TMEM106B: variants seen among roughly 807,000 people sequenced by gnomAD.
The protein encoded by TMEM106B is transmembrane protein 106B.
TMEM106B carries 15 observed loss-of-function variants against 31.1 expected under a neutral mutation model. The observed-to-expected ratio is 0.48, with a 90% CI of 0.32 to 0.74. The LOEUF (loss-of-function observed/expected upper bound fraction) is 0.74, where lower values mean the gene tolerates loss of function less well. Among genes scored for constraint, TMEM106B ranks in the 30% least tolerant of loss-of-function variants. The pLI, the probability that TMEM106B is intolerant of heterozygous loss-of-function variation, is 0.03. For synonymous variants in TMEM106B, 126 were observed against 112.5 expected (o/e 1.12, Z -0.76); for missense variants, 283 against 327.3 (o/e 0.86, Z 1.04).
intron 1 of TMEM106B, 118 bp from the exon 2 acceptor site, chr7:12,214,691 T>C: frequency 1.1e-6 from 1 of 917,142 alleles, no homozygotes; most frequent in Non-Finnish European, 1.6e-6. Context: ...CCTTCAAATA[T>C]TTTACAGAGT....
Position 12,232,079 on chromosome 7 carries a change from A to C in TMEM106B, c.*104A>C. On this transcript the variant is annotated 3_prime_UTR_variant, in exon 8 of 8. Transcript: ENST00000396668. ...GGAGACCTTAAATTGAACAAACCTAAAGTTTACACTTCTAAGAGTACAGTT... is the reference window on the plus strand; with the variant it reads ...GGAGACCTTAAATTGAACAAACCTACAGTTTACACTTCTAAGAGTACAGTT... 1 of 1,083,680 alleles carries C rather than the reference A, an allele frequency of 9.2e-7. No homozygotes were observed. The highest frequency in any genetic ancestry group is 1.3e-6 in the Non-Finnish European group (1 of 773,086). 67.1% of individuals were successfully genotyped at this position (1,083,680 alleles called of 1,614,324 possible).
At position 12,231,819 on chromosome 7, in the gene TMEM106B, C is replaced by T. The variant is rs199499310; in HGVS notation, c.687-18C>T. The T allele has an allele frequency of 6.6e-5, 104 of 1,579,324 alleles. No homozygotes were observed. Among genetic ancestry groups the T allele is most frequent in the Admixed American group, 6.2e-4 (36 of 58,424 alleles). On this transcript the variant is annotated intron_variant, in intron 7 of 7. Coordinates refer to ENST00000396668, the MANE Select transcript of TMEM106B (RefSeq NM_001134232.2). ...AATATAACTATTAAATGTCTCTCCT[C>T]ACTTACATTATTTTTAGAGTTACTG...
rs767377477 is a variant in TMEM106B, at chr7:12,229,691, A to G, written c.454A>G (p.Ile152Val). Residue 152 changes from isoleucine (I) to valine (V), a missense_variant, in exon 5 of 8, where the codon ATA becomes GTA. Ile to Val is a conservative substitution (Grantham distance 29). Around this residue, in one of 3 missense-constraint regions of TMEM106B, gnomAD observed 201 missense variants for 211.5 expected, o/e 0.95. Transcript: ENST00000396668. ...IYLNITNTLN[I>V]TNNNYYSVEV... Reference sequence around the variant, plus strand: ...CCTTTTTTTGTAGAACACACTAAATATAACAAACAATAACTATTACTCTGT... The same window carrying G: ...CCTTTTTTTGTAGAACACACTAAATGTAACAAACAATAACTATTACTCTGT... 9 of 1,599,336 alleles carry G rather than the reference A, an allele frequency of 5.6e-6. No individual in the cohort carries two copies. Among genetic ancestry groups the G allele is most frequent in the Non-Finnish European group, 1.7e-6 (2 of 1,175,484 alleles).
chr7:12,219,910 A>G (rs1354135154), intron 3 of TMEM106B, among the ~76,000 whole-genome samples: 1 of 152,194 alleles, frequency 6.6e-6, no homozygotes, highest in Non-Finnish European at 1.5e-5. Context: ...AATGCAAAAC[A>G]TTAAATCAAG....
At chr7:12,218,612 T>C in intron 3 of TMEM106B, 91 bp downstream of exon 3, 1 of 1,052,630 alleles carries the variant, frequency 9.5e-7, no homozygotes, top group East Asian at 2.7e-5. Context: ...GTTAAAACTA[T>C]TAAAAGAAAA....
chr7:12,236,953 C>T lies in TMEM106B; in HGVS notation c.*4978C>T, dbSNP rs1288489360. ...TTTGAATGATGGTATTACCTAGATTCTAATCCTTGATTCTAGTTATATAAT... is the reference window on the plus strand; with the variant it reads ...TTTGAATGATGGTATTACCTAGATTTTAATCCTTGATTCTAGTTATATAAT... On this transcript the variant is annotated 3_prime_UTR_variant, in exon 8 of 8. Transcript: ENST00000396668. 1 of 151,910 alleles carries T rather than the reference C, an allele frequency of 6.6e-6. No homozygotes were observed. The highest frequency in any genetic ancestry group is 1.5e-5 in the Non-Finnish European group (1 of 67,914). The allele number at this position is 151,910 out of a possible 1,614,324, so 9.4% of individuals were successfully genotyped here.
In TMEM106B at chr7:12,231,924, T is replaced by A. The variant is rs1450264125; in HGVS notation, c.774T>A (p.Thr258=). 2.5e-6 allele frequency: 4 copies of A among 1,612,340 alleles called. No homozygotes were observed. In the Admixed American group the frequency reaches 6.7e-5, roughly 27 times the overall value. Residue 258 remains threonine (T), a synonymous_variant, in exon 8 of 8, where the codon ACT becomes ACA. Transcript: ENST00000396668. ...YQYVDCGRNT[T]YQLGQSEYLN... ...ATGTCGACTGTGGAAGAAACACAACTTATCAGTTGGGGCAGTCTGAATATT... is the reference window on the plus strand; with the variant it reads ...ATGTCGACTGTGGAAGAAACACAACATATCAGTTGGGGCAGTCTGAATATT...
chr7:12,224,263 C>T lies in TMEM106B; in HGVS notation c.319C>T (p.Leu107Phe), dbSNP rs1781852056. The T allele has an allele frequency of 6.2e-7, 1 of 1,614,062 alleles. No homozygotes were observed. The highest frequency in any genetic ancestry group is 8.5e-7 in the Non-Finnish European group (1 of 1,179,968). ...GATGGCTTCTGTGTTTGTCTGTCTA[C>T]TCCTTTCTGGATTGGCTGTGTTTTT... ...YVMASVFVCL[L>F]LSGLAVFFLF... is the part of the protein sequence containing the mutation. Residue 107 changes from leucine (L) to phenylalanine (F), a missense_variant, in exon 4 of 8, where the codon CTC (leucine) becomes TTC (phenylalanine). Physicochemically the swap from Leu to Phe is conservative, Grantham distance 22. This residue lies in a region of TMEM106B where 201 missense variants were observed against 211.5 expected (regional missense o/e 0.95). Transcript: ENST00000396668.
At chr7:12,229,132 A>T (rs5011436) in intron 4 of TMEM106B, among the ~76,000 whole-genome samples, 1 of 151,782 alleles carries the variant, frequency 6.6e-6, no homozygotes, top group African/African-American at 2.4e-5. Flanking sequence ...TAACATTTTT[A>T]AATTTTTTAA....
intron 3 of TMEM106B, among the ~76,000 whole-genome samples, chr7:12,223,615 A>G (rs374330536): frequency 1.3e-5 from 2 of 152,096 alleles, no homozygotes; most frequent in Admixed American, 6.5e-5. Context: ...GTGCGTTTGT[A>G]TGAAGCTCCT....
rs1342376177 is a variant in TMEM106B, at chr7:12,239,335, G to A, written c.*7360G>A. On this transcript the variant is annotated 3_prime_UTR_variant, in exon 8 of 8. Coordinates refer to ENST00000396668, the MANE Select transcript of TMEM106B (RefSeq NM_001134232.2). ...GGCTTTCACTTAAGGCAATGTTGTGGCTGGTTTGATCTATTGAAACCACTA... is the reference window on the plus strand; with the variant it reads ...GGCTTTCACTTAAGGCAATGTTGTGACTGGTTTGATCTATTGAAACCACTA... 6 of 152,138 alleles carry A rather than the reference G, an allele frequency of 3.9e-5. No individual in the cohort carries two copies. The highest frequency in any genetic ancestry group is 1.9e-4 in the East Asian group (1 of 5,190). The allele number at this position is 152,138 out of a possible 1,614,324, so 9.4% of individuals were successfully genotyped here. A position where few individuals can be genotyped will look rare whatever the true frequency, so the allele number is the denominator to read the frequency against.
rs760128061 is a variant in TMEM106B at position 12,214,810 on chromosome 7, C to T, written c.-1C>T. ...TGTAAGATTTTTATTTTTCTTTAGA[C>T]ATGGGAAAGTCTCTTTCTCATTTGC... On this transcript the variant is annotated splice_region_variant and 5_prime_UTR_variant, in exon 2 of 8. Transcript: ENST00000396668. 5.0e-6 allele frequency: 8 copies of T among 1,603,714 alleles called. No individual in the cohort carries two copies. The African/African-American group carries it at 1.1e-4, about 22-fold the overall frequency.
chr7:12,212,655 G>C (rs1421016991), intron 1 of TMEM106B, among the ~76,000 whole-genome samples: 1 of 152,022 alleles, frequency 6.6e-6, no homozygotes, highest in Non-Finnish European at 1.5e-5. Context: ...TATTCATGGA[G>C]TACAAGTGCC....
Position 12,238,582 on chromosome 7 carries a change from C to T in TMEM106B, c.*6607C>T, listed in dbSNP as rs1782185008. The T allele has an allele frequency of 6.6e-6, 1 of 152,138 alleles. No homozygotes were observed. Among genetic ancestry groups the T allele is most frequent in the Admixed American group, 6.6e-5 (1 of 15,258 alleles). 9.4% of individuals were successfully genotyped at this position (152,138 alleles called of 1,614,324 possible). On this transcript the variant is annotated 3_prime_UTR_variant, in exon 8 of 8. Coordinates refer to ENST00000396668, the MANE Select transcript of TMEM106B (RefSeq NM_001134232.2). ...AATCACTACCTATGACAGCTATGGT[C>T]TTACAAAATGTATTTCTTATATAGT...
rs1009147070 is a variant in TMEM106B, at chr7:12,234,458, G to A, written c.*2483G>A. ...GTTAAGTAACTGTCAGAATAAGCCTGGAACAAAACAGGCTGTAAATTAATA... is the reference window on the plus strand; with the variant it reads ...GTTAAGTAACTGTCAGAATAAGCCTAGAACAAAACAGGCTGTAAATTAATA... On this transcript the variant is annotated 3_prime_UTR_variant, in exon 8 of 8. Coordinates refer to ENST00000396668, the MANE Select transcript of TMEM106B (RefSeq NM_001134232.2). The A allele has an allele frequency of 6.6e-6, 1 of 151,804 alleles. No homozygotes were observed. The highest frequency in any genetic ancestry group is 1.5e-5 in the Non-Finnish European group (1 of 67,764). 9.4% of individuals were successfully genotyped at this position (151,804 alleles called of 1,614,324 possible). A position where few individuals can be genotyped will look rare whatever the true frequency, so the allele number is the denominator to read the frequency against.
rs1215307995 is a variant in TMEM106B, at chr7:12,231,864, C to T, written c.714C>T (p.Gly238=). The change falls in exon 8 of 8, where the codon GGC becomes GGT. Residue 238 remains glycine (G), a synonymous_variant. Transcript: ENST00000396668. ...MQVTVTTTYF[G]HSEQISQERY... Reference sequence around the variant, plus strand: ...TTACTGTGACAACAACATACTTTGGCCACTCTGAACAGATATCCCAGGAGA... The same window carrying T: ...TTACTGTGACAACAACATACTTTGGTCACTCTGAACAGATATCCCAGGAGA... The T allele has an allele frequency of 1.2e-6, 2 of 1,600,550 alleles. No individual in the cohort carries two copies. The highest frequency in any genetic ancestry group is 1.1e-5 in the South Asian group (1 of 89,104).
chr7:12,211,727 G>C (rs923953635), intron 1 of TMEM106B, among the ~76,000 whole-genome samples: 1 of 152,230 alleles, frequency 6.6e-6, no homozygotes, highest in South Asian at 2.1e-4. Context: ...GTGGTGCCGG[G>C]ATCTTATTTT....
intron 4 of TMEM106B, 112 bp downstream of exon 4, chr7:12,224,497 G>A: frequency 1.2e-6 from 1 of 830,564 alleles, no homozygotes; most frequent in Non-Finnish European, 1.8e-6. Flanking sequence ...TGGTCAGTGT[G>A]CTTTCTGTAT....
chr7:12,219,038 C>G (rs912070832), intron 3 of TMEM106B, among the ~76,000 whole-genome samples: 1 of 108,710 alleles, frequency 9.2e-6, no homozygotes, highest in African/African-American at 4.5e-5. Context: ...TTTGCATGCT[C>G]TAGCTTGGAG....
Sources: gnomAD v4.1 joint callset for allele counts (sites outside exome capture counted in the v4.1 genomes callset) on GRCh38, gnomAD v4.1.1 for gene constraint, gnomAD v4.1.1 regional missense constraint, MANE v1.5 for transcripts, NCBI Gene and HGNC (gene_info 2026-07-23, HGNC 2026-07-21) for gene names.